Variants in NEB observed in about 807,000 individuals in gnomAD.
NEB encodes the protein nemaline myopathy type 2.
In NEB, 512 loss-of-function variants were observed where a neutral mutation model predicts 952.2. That is an observed-to-expected ratio of 0.54 (90% CI 0.50 to 0.58). The LOEUF is 0.58. Among genes scored for constraint, NEB ranks in the 20% least tolerant of loss-of-function variants. The pLI is 0.00. For synonymous variants in NEB, 2,900 were observed against 3,149.8 expected (o/e 0.92, Z 2.66); for missense variants, 8,428 against 9,231.1 (o/e 0.91, Z 3.56).
chr2:151,639,445 T>A, intron 62 of NEB, 61 bp from the exon 63 acceptor site: 1 of 1,223,022 alleles, frequency 8.2e-7, no homozygotes, highest in Non-Finnish European at 1.1e-6. Flanking sequence ...TAATAGGAAT[T>A]TTAGGGCCAC....
In NEB at chr2:151,733,208, A is replaced by G; in HGVS notation, c.-29-23T>C. Reference sequence around the variant, plus strand: ...AAACTTTTCATATTCCATACAAATGAAAACATATTAGAGTCTATTCCCAGC... The same window carrying G: ...AAACTTTTCATATTCCATACAAATGGAAACATATTAGAGTCTATTCCCAGC... On this transcript the variant is annotated intron_variant, in intron 2 of 181. Coordinates refer to ENST00000397345, the MANE Select transcript of NEB (RefSeq NM_001164508.2). The G allele has an allele frequency of 1.3e-6, 2 of 1,488,492 alleles. 1 individual carries two copies. Among genetic ancestry groups the G allele is most frequent in the South Asian group, 2.4e-5 (2 of 82,538 alleles). The allele number at this position is 1,488,492 out of a possible 1,614,324, so 92.2% of individuals were successfully genotyped here.
rs377751674 is a variant in NEB at position 151,505,478 on chromosome 2, C to T, written c.23742G>A (p.Ser7914=). The change falls in exon 165 of 182, where the codon TCG becomes TCA. Residue 7914 remains serine (S), a splice_region_variant and synonymous_variant. Transcript: ENST00000397345. ...RVKETQKHIS[S]VMYKENLGTG... Reference sequence around the variant, plus strand: ...TGGAAGCTGAGAGTATGGCCACTACCGAGCTAATGTGCTTCTGCGTCTCCT... The same window carrying T: ...TGGAAGCTGAGAGTATGGCCACTACTGAGCTAATGTGCTTCTGCGTCTCCT... 7.4e-6 allele frequency: 12 copies of T among 1,613,046 alleles called. No individual in the cohort carries two copies. Among genetic ancestry groups the T allele is most frequent in the East Asian group, 4.5e-5 (2 of 44,890 alleles).
intron 117 of NEB, 98 bp from the exon 118 acceptor site, chr2:151,564,028 A>G: frequency 1.2e-6 from 1 of 857,132 alleles, no homozygotes; most frequent in East Asian, 2.7e-5. Context: ...ATGTATGTTC[A>G]AGGCAAGGCT....
chr2:151,493,367 C>G lies in NEB; in HGVS notation c.24751G>C (p.Glu8251Gln). 6.2e-7 allele frequency: 1 copy of G among 1,611,614 alleles called. No individual in the cohort carries two copies. Among genetic ancestry groups the G allele is most frequent in the Non-Finnish European group, 8.5e-7 (1 of 1,178,350 alleles). ...PEMERAKRNQ[E>Q]NISSVLYSDS... is the part of the protein sequence containing the mutation. ...CTAGAAAATACCGAGCTAATGTTTTCTTGGTTGCGCTTAGCTCTCTCCATC... is the reference window on the plus strand; with the variant it reads ...CTAGAAAATACCGAGCTAATGTTTTGTTGGTTGCGCTTAGCTCTCTCCATC... The change falls in exon 176 of 182, where the codon GAA becomes CAA. Residue 8251 changes from glutamate to glutamine, a missense_variant. This residue lies in a region of NEB where 3,374 missense variants were observed against 3,651.5 expected (regional missense o/e 0.92). Coordinates refer to ENST00000397345, the MANE Select transcript of NEB (RefSeq NM_001164508.2).
intron 67 of NEB, 26 bp from the exon 68 acceptor site, chr2:151,629,672 A>G: frequency 6.3e-7 from 1 of 1,582,294 alleles, no homozygotes; most frequent in Non-Finnish European, 8.7e-7. Flanking sequence ...CAAAGAGTTA[A>G]AGCAAAAGGT....
chr2:151,627,581 C>T lies in NEB; in HGVS notation c.10085G>A (p.Cys3362Tyr), dbSNP rs1401420739. 2 of 1,613,890 alleles carry T rather than the reference C, an allele frequency of 1.2e-6. No individual in the cohort carries two copies. Among genetic ancestry groups the T allele is most frequent in the Admixed American group, 1.7e-5 (1 of 59,992 alleles). ...GATGACATCATTCTGGTCGGGCAGG[C>T]ACGTCCACTCGTGCAGGTAGTTCTT... ...DYKNYLHEWT[C>Y]LPDQNDVIHA... Residue 3362 changes from cysteine to tyrosine, a missense_variant, in exon 69 of 182, where the codon TGC becomes TAC. Cys to Tyr is a radical substitution (Grantham distance 194). Transcript: ENST00000397345.
chr2:151,609,940 T>C lies in NEB; in HGVS notation c.12199A>G (p.Ile4067Val). Residue 4067 changes from isoleucine (I) to valine (V), a missense_variant, in exon 81 of 182, where the codon ATC becomes GTC. Physicochemically the swap from Ile to Val is conservative, Grantham distance 29 (BLOSUM62 3). Transcript: ENST00000397345. ...GTCTGACATTTCTTGGCCAGCAAGA[T>C]GCTTAACATGTCCACTGGGCTAGAG... ...KFSSPVDMLS[I>V]LLAKKCQTLV... 6.2e-7 allele frequency: 1 copy of C among 1,613,998 alleles called. No individual in the cohort carries two copies. Among genetic ancestry groups the C allele is most frequent in the South Asian group, 1.1e-5 (1 of 91,086 alleles).
intron 19 of NEB, 40 bp downstream of exon 19, chr2:151,694,482 C>T: frequency 6.2e-7 from 1 of 1,613,410 alleles, no homozygotes; most frequent in Middle Eastern, 1.6e-4. Flanking sequence ...GAGGAAATGT[C>T]CCCGAAGCCA....
chr2:151,503,327 T>C (rs2066180579), intron 166 of NEB, 22 bp downstream of exon 166: 1 of 1,531,542 alleles, frequency 6.5e-7, no homozygotes, highest in African/African-American at 1.4e-5. Context: ...AATAGTTTCT[T>C]ATATGATATA....
intron 9 of NEB, 104 bp from the exon 10 acceptor site, chr2:151,717,624 T>C (rs1232150912): frequency 2.4e-6 from 2 of 833,860 alleles, no homozygotes; most frequent in Non-Finnish European, 3.9e-6. Flanking sequence ...GTCCTAGATG[T>C]TACATACCAT....
intron 13 of NEB, among the ~76,000 whole-genome samples, chr2:151,705,239 T>C (rs1019214743): frequency 1.3e-5 from 2 of 152,172 alleles, no homozygotes; most frequent in Non-Finnish European, 2.9e-5. Context: ...GGATTTACCT[T>C]TAGCTTGAAC....
intron 72 of NEB, 34 bp downstream of exon 72, chr2:151,620,885 T>C: frequency 6.7e-7 from 1 of 1,503,138 alleles, no homozygotes; most frequent in Non-Finnish European, 9.2e-7. Flanking sequence ...GCTGGCATGA[T>C]GGTAAGAAAT....
chr2:151,669,816 C>A lies in NEB; in HGVS notation c.4507-685G>T, dbSNP rs75722587. On this transcript the variant is annotated intron_variant, in intron 38 of 181. Transcript: ENST00000397345. ...TTTGATTCGTGTTTTAAGACAGGCTCTTGCGATTGTTTGAGACCTCAGGCA... is the reference window on the plus strand; with the variant it reads ...TTTGATTCGTGTTTTAAGACAGGCTATTGCGATTGTTTGAGACCTCAGGCA... 4.3e-4 allele frequency among the ~76,000 whole-genome samples: 66 copies of A among 152,268 alleles called. No individual in the cohort carries two copies. The East Asian group carries it at 0.01, about 23-fold the overall frequency.
At chr2:151,511,152 A>G (rs1191670564) in intron 161 of NEB, among the ~76,000 whole-genome samples, 1 of 152,264 alleles carries the variant, frequency 6.6e-6, no homozygotes, top group East Asian at 1.9e-4. Context: ...AGCAGAAGGT[A>G]AAAGGCTGGT....
rs1266705831 is a variant in NEB, at chr2:151,614,395, T to G, written c.11482A>C (p.Lys3828Gln). ...PVDMLGVVLAKKCQILVSDID... is the reference protein window; with the variant it reads ...PVDMLGVVLAQKCQILVSDID... ...TCGCTTACAAGGATCTGACACTTCT[T>G]GGCCAGCACCACCCCCAGCATGTCC... The change falls in exon 77 of 182, where the codon AAG becomes CAG. Residue 3828 changes from lysine to glutamine, a missense_variant. Lys to Gln is a moderately conservative substitution (Grantham distance 53, BLOSUM62 1). This residue lies in a region of NEB where 1,772 missense variants were observed against 1,960.3 expected (regional missense o/e 0.90). Transcript: ENST00000397345. The G allele has an allele frequency of 6.2e-7, 1 of 1,613,906 alleles. No individual in the cohort carries two copies. Among genetic ancestry groups the G allele is most frequent in the South Asian group, 1.1e-5 (1 of 91,074 alleles).
intron 156 of NEB, among the ~76,000 whole-genome samples, chr2:151,516,927 T>G (rs2078035725): frequency 6.6e-6 from 1 of 152,210 alleles, no homozygotes; most frequent in Admixed American, 6.5e-5. Flanking sequence ...TTAAAATTAT[T>G]AATGCTATTA....
chr2:151,498,052 T>G, intron 170 of NEB: 1 of 1,450,696 alleles, frequency 6.9e-7, no homozygotes, highest in South Asian at 1.5e-5. Context: ...ACATTCATTA[T>G]TTTTAAAACA....
intron 40 of NEB, 120 bp downstream of exon 40, chr2:151,667,684 C>T (rs1575628238): frequency 1.1e-5 from 7 of 634,936 alleles, no homozygotes; most frequent in East Asian, 2.9e-5. Context: ...CACGCCACCA[C>T]ATCTGGCTAA....
At chr2:151,550,834 C>T (rs1282882678) in intron 129 of NEB, among the ~76,000 whole-genome samples, 1 of 151,644 alleles carries the variant, frequency 6.6e-6, no homozygotes, top group Non-Finnish European at 1.5e-5. Context: ...TTTGTTCAGA[C>T]AGGGTTTCAC....
Sources: gnomAD v4.1 joint callset for allele counts (sites outside exome capture counted in the v4.1 genomes callset) on GRCh38, gnomAD v4.1.1 for gene constraint, gnomAD v4.1.1 regional missense constraint, MANE v1.5 for transcripts, NCBI Gene and HGNC (gene_info 2026-07-23, HGNC 2026-07-21) for gene names.